Variants in ABLIM1 observed in about 807,000 individuals in gnomAD.
The protein encoded by ABLIM1 is actin binding LIM protein 1.
In ABLIM1, 40 loss-of-function variants were observed where a neutral mutation model predicts 107.0. The ratio of observed to expected loss-of-function variants is 0.37; its 90% confidence interval spans 0.29 to 0.49. The LOEUF is 0.49. ABLIM1 is among the 20% of genes least tolerant of loss of function. The pLI, the probability that ABLIM1 is intolerant of heterozygous loss-of-function variation, is 0.97. For synonymous variants in ABLIM1, 357 were observed against 357.3 expected, an observed-to-expected ratio of 1.00 and a Z score of 0.01; for missense variants, 857 against 1,008.5, an observed-to-expected ratio of 0.85 and a Z score of 2.04.
intron 3 of ABLIM1, 111 bp from the exon 4 acceptor site, chr10:114,571,517 A>G (rs2071681428): frequency 3.9e-6 from 4 of 1,033,534 alleles, no homozygotes; most frequent in Non-Finnish European, 5.9e-6. Flanking sequence ...GAGAAGCAGC[A>G]GCCAACATGT....
At chr10:114,604,007 T>G (rs1006895727) in intron 1 of ABLIM1, among the ~76,000 whole-genome samples, 1 of 152,074 alleles carries the variant, frequency 6.6e-6, no homozygotes, top group East Asian at 1.9e-4. Flanking sequence ...TAAGTCCTTG[T>G]GTTTTTTAAG....
intron 1 of ABLIM1, among the ~76,000 whole-genome samples, chr10:114,706,763 A>AT (rs1297644744): frequency 1.3e-5 from 2 of 152,224 alleles, no homozygotes; most frequent in African/African-American, 4.8e-5. Context: ...TTTTTGTTAC[A>AT]TCCCCCAAGG....
At chr10:114,504,575 T>C (rs1001086023) in intron 6 of ABLIM1, among the ~76,000 whole-genome samples, 15 of 152,168 alleles carry the variant, frequency 9.9e-5, no homozygotes, top group East Asian at 5.8e-4. Context: ...CTTTAAGTGA[T>C]GATAATTTGA....
chr10:114,632,443 A>C, intron 1 of ABLIM1: 2 of 984,588 alleles, frequency 2.0e-6, no homozygotes, highest in Non-Finnish European at 2.4e-6. Flanking sequence ...TTCAATTTTT[A>C]CTACGGCTTC....
Position 114,729,880 on chromosome 10 carries a change from C to T in ABLIM1, c.-213+38181G>A, listed in dbSNP as rs369100507. On this transcript the variant is annotated intron_variant, in intron 1 of 15. Coordinates refer to the ABLIM1 transcript ENST00000651092. ...TTAAGCCACTTCACTAGAATACAAA[C>T]GTTTTGAGAACAGGGGCATTATTAT... Among the ~76,000 whole-genome samples, 9 of 152,102 alleles carry T rather than the reference C, an allele frequency of 5.9e-5. 1 individual carries two copies. Among genetic ancestry groups the T allele is most frequent in the Admixed American group, 2.0e-4 (3 of 15,276 alleles).
intron 6 of ABLIM1, among the ~76,000 whole-genome samples, chr10:114,539,719 G>A (rs1056417904): frequency 3.3e-5 from 5 of 152,188 alleles, no homozygotes; most frequent in African/African-American, 1.2e-4. Flanking sequence ...TGGAAAGGAT[G>A]TCTGCTGGAG....
chr10:114,654,649 A>T (rs1213675873), intron 1 of ABLIM1, among the ~76,000 whole-genome samples: 1 of 152,088 alleles, frequency 6.6e-6, no homozygotes. Flanking sequence ...TACTGCCCTT[A>T]GACACACGCA....
chr10:114,583,585 G>A (rs1308719106), intron 2 of ABLIM1, among the ~76,000 whole-genome samples: 1 of 147,954 alleles, frequency 6.8e-6, no homozygotes. Context: ...ACTAAAAATG[G>A]AACTGCCATT....
chr10:114,555,888 A>C (rs1423453554), intron 4 of ABLIM1, among the ~76,000 whole-genome samples: 1 of 152,238 alleles, frequency 6.6e-6, no homozygotes, highest in African/African-American at 2.4e-5. Flanking sequence ...TGTCATAAAC[A>C]AAAGTACAAA....
chr10:114,439,235 G>A lies in ABLIM1; in HGVS notation c.2083C>T (p.His695Tyr), dbSNP rs2059856049. 1.2e-6 allele frequency: 2 copies of A among 1,614,114 alleles called. No homozygotes were observed. The highest frequency in any genetic ancestry group is 2.7e-5 in the African/African-American group (2 of 74,950). ...CGGTCCATTCTCATTGCAGGCATGT[G>A]GCCATCTGGGAGTGTCTGCAACAGA... is the stretch of plus-strand genomic sequence containing the variant. ...VRDYQTLPDG[H>Y]MPAMRMDRGV... The change falls in exon 21 of 23, where the codon CAC becomes TAC. Residue 695 changes from histidine to tyrosine, a missense_variant. Transcript: ENST00000533213.
chr10:114,718,740 C>G (rs1040710568), intron 1 of ABLIM1, among the ~76,000 whole-genome samples: 5 of 152,054 alleles, frequency 3.3e-5, no homozygotes, highest in African/African-American at 1.2e-4. Context: ...CCATTTTTGC[C>G]CAAGACCTTC....
At chr10:114,625,768 G>A (rs2077750468) in intron 1 of ABLIM1, among the ~76,000 whole-genome samples, 1 of 152,122 alleles carries the variant, frequency 6.6e-6, no homozygotes. Flanking sequence ...ACTGGTTTTG[G>A]AGCCAGATAG....
the ABLIM1 span, among the ~76,000 whole-genome samples, chr10:114,780,736 A>G: frequency 6.6e-6 from 1 of 152,162 alleles, no homozygotes; most frequent in Non-Finnish European, 1.5e-5. Flanking sequence ...TCACAGGTCA[A>G]AGCTTTCTTA....
rs541704482 is a variant in ABLIM1, at chr10:114,598,544, C to T, written c.379+3283G>A. 9.8e-4 allele frequency among the ~76,000 whole-genome samples: 149 copies of T among 152,166 alleles called. 1 individual carries two copies. Among genetic ancestry groups the T allele is most frequent in the South Asian group, 1.0e-3 (5 of 4,816 alleles). On this transcript the variant is annotated intron_variant, in intron 2 of 22. Transcript: ENST00000533213. ...CAGAGTTTGCAGTGAGCTGAGATCA[C>T]GCCATTGCACTCCAGCCTGGCAACA...
intron 1 of ABLIM1, among the ~76,000 whole-genome samples, chr10:114,742,886 G>A (rs1028934492): frequency 6.6e-6 from 1 of 152,120 alleles, no homozygotes; most frequent in Non-Finnish European, 1.5e-5. Flanking sequence ...TTGTGCCATT[G>A]CACTCCAGCC....
rs543282188 is a variant in ABLIM1, at chr10:114,748,194, A to G, written c.-213+19867T>C. On this transcript the variant is annotated intron_variant, in intron 1 of 15. Transcript: ENST00000651092. ...CCTTGCTGTCTTCAGGAAAAAGAAT[A>G]ATTCTCATTTTAATAGGACTCATGA... 5.3e-5 allele frequency among the ~76,000 whole-genome samples: 8 copies of G among 152,250 alleles called. No homozygotes were observed. In the South Asian group the frequency reaches 1.7e-3, roughly 32 times the overall value.
intron 4 of ABLIM1, among the ~76,000 whole-genome samples, chr10:114,556,082 A>G (rs1351564028): frequency 2.0e-5 from 3 of 152,172 alleles, no homozygotes; most frequent in South Asian, 4.2e-4. Context: ...CCAAGAAAAA[A>G]AAAAACAAAT....
intron 1 of ABLIM1, among the ~76,000 whole-genome samples, chr10:114,612,140 T>G (rs2076849953): frequency 6.6e-6 from 1 of 152,208 alleles, no homozygotes. Context: ...TGCTGAAATT[T>G]CATTGCCATT....
intron 6 of ABLIM1, among the ~76,000 whole-genome samples, chr10:114,508,465 G>A (rs759094070): frequency 1.3e-4 from 20 of 152,234 alleles, no homozygotes; most frequent in Non-Finnish European, 2.4e-4. Flanking sequence ...TTGGGAGGTC[G>A]AGGCAGGATG....
Sources: allele counts gnomAD v4.1 joint callset (sites outside exome capture counted in the v4.1 genomes callset), GRCh38; gene constraint gnomAD v4.1.1; transcripts MANE v1.5; gene names NCBI Gene and HGNC (gene_info 2026-07-23, HGNC 2026-07-21).